Variants in SRPK2 observed in about 807,000 individuals in gnomAD.
The protein encoded by SRPK2 is SRSF protein kinase 2.
In SRPK2, 21 loss-of-function variants were observed where a neutral mutation model predicts 90.8. The ratio of observed to expected loss-of-function variants is 0.23; its 90% CI spans 0.16 to 0.33. The LOEUF (loss-of-function observed/expected upper bound fraction) is 0.33, where lower values mean the gene tolerates loss of function less well. Among genes scored for constraint, SRPK2 ranks in the 10% least tolerant of loss-of-function variants. The pLI is 1.00. For missense variants in SRPK2, 620 were observed against 869.0 expected, an observed-to-expected ratio of 0.71 and a Z score of 3.60; for synonymous variants, 288 against 311.1, an observed-to-expected ratio of 0.93 and a Z score of 0.78.
At chr7:105,355,413 G>C (rs544569455) in intron 2 of SRPK2, among the ~76,000 whole-genome samples, 2 of 152,180 alleles carry the variant, frequency 1.3e-5, no homozygotes, top group East Asian at 1.9e-4. Flanking sequence ...GGCAAACAGA[G>C]GCAGAAGGAT....
intron 3 of SRPK2, among the ~76,000 whole-genome samples, chr7:105,169,468 T>C (rs1347990598): frequency 1.3e-5 from 2 of 152,226 alleles, no homozygotes; most frequent in East Asian, 1.9e-4. Context: ...GGCTTACACC[T>C]GTAATCTCAG....
chr7:105,198,672 G>C (rs192781109), intron 3 of SRPK2, among the ~76,000 whole-genome samples: 2 of 152,178 alleles, frequency 1.3e-5, no homozygotes, highest in East Asian at 3.9e-4. Context: ...AAGAATGATA[G>C]AACAGACAGA....
At chr7:105,265,631 T>G (rs536549297) in intron 2 of SRPK2, among the ~76,000 whole-genome samples, 1 of 152,166 alleles carries the variant, frequency 6.6e-6, no homozygotes, top group Non-Finnish European at 1.5e-5. Context: ...CTAGTTTTTT[T>G]AATCAGATAT....
At chr7:105,189,511 C>A (rs1284827164) in intron 3 of SRPK2, 1 of 153,586 alleles carries the variant, frequency 6.5e-6, no homozygotes, top group Non-Finnish European at 1.4e-5. Context: ...GTGGCTCACA[C>A]CTGTAATCCC....
chr7:105,214,149 A>G (rs966806114), intron 2 of SRPK2, among the ~76,000 whole-genome samples: 1 of 152,230 alleles, frequency 6.6e-6, no homozygotes, highest in South Asian at 2.1e-4. Flanking sequence ...GCAGATATAG[A>G]ACATTTCTAT....
rs1318567994 is a variant in SRPK2, at chr7:105,117,078, A to G, written c.*760T>C. 5.3e-5 allele frequency: 8 copies of G among 152,248 alleles called. No individual in the cohort carries two copies. Among genetic ancestry groups the G allele is most frequent in the African/African-American group, 1.7e-4 (7 of 41,472 alleles). 9.4% of individuals were successfully genotyped at this position (152,248 alleles called of 1,614,324 possible). A position where few individuals can be genotyped will look rare whatever the true frequency, so the allele number is the denominator to read the frequency against. Reference sequence around the variant, plus strand: ...TACTTTTAAAAATATGCAAAATCACAAATGGGACTGCTAAATTATAATGCA... The same window carrying G: ...TACTTTTAAAAATATGCAAAATCACGAATGGGACTGCTAAATTATAATGCA... On this transcript the variant is annotated 3_prime_UTR_variant, in exon 16 of 16. Coordinates refer to ENST00000393651, the MANE Select transcript of SRPK2 (RefSeq NM_182692.3).
chr7:105,146,412 G>T, intron 8 of SRPK2, 81 bp downstream of exon 8: 1 of 1,453,006 alleles, frequency 6.9e-7, no homozygotes, highest in South Asian at 1.3e-5. Context: ...TGTAACGTTT[G>T]ATTCAGATAC....
intron 2 of SRPK2, chr7:105,298,862 C>A: frequency 2.2e-6 from 2 of 912,376 alleles, no homozygotes; most frequent in Non-Finnish European, 2.6e-6. Context: ...AGCAGTCTTT[C>A]CAGGGAGACA....
chr7:105,272,560 T>C (rs528109669), intron 2 of SRPK2, among the ~76,000 whole-genome samples: 5 of 152,160 alleles, frequency 3.3e-5, no homozygotes, highest in Non-Finnish European at 7.3e-5. Flanking sequence ...CTGGGTACTT[T>C]GCAAGACCGT....
At chr7:105,213,876 T>C (rs541661376) in intron 2 of SRPK2, among the ~76,000 whole-genome samples, 1 of 152,310 alleles carries the variant, frequency 6.6e-6, no homozygotes, top group East Asian at 1.9e-4. Flanking sequence ...ACAAGCCTTC[T>C]GCAAACTTCC....
At chr7:105,199,832 C>T (rs570504428) in intron 3 of SRPK2, among the ~76,000 whole-genome samples, 19 of 147,898 alleles carry the variant, frequency 1.3e-4, no homozygotes, top group South Asian at 8.5e-4. Flanking sequence ...CTGAAAGTGA[C>T]AAGCCAAAAG....
intron 7 of SRPK2, among the ~76,000 whole-genome samples, chr7:105,156,576 C>A (rs1013300366): frequency 6.6e-6 from 1 of 152,178 alleles, no homozygotes; most frequent in Non-Finnish European, 1.5e-5. Flanking sequence ...TCATGGCTCA[C>A]TGCAGCCTTG....
intron 10 of SRPK2, 139 bp downstream of exon 10, chr7:105,142,945 A>G: frequency 1.7e-6 from 2 of 1,143,520 alleles, no homozygotes; most frequent in South Asian, 3.6e-5. Context: ...TATTTCCCAT[A>G]TTTCCCAATA....
intron 15 of SRPK2, 30 bp downstream of exon 15, chr7:105,126,218 G>A (rs368365223): frequency 1.6e-4 from 248 of 1,519,330 alleles, no homozygotes; most frequent in Middle Eastern, 5.1e-4. Context: ...TGTCTGCATC[G>A]TGGCGCTTTT....
Position 105,247,519 on chromosome 7 carries a change from C to CGCACACACACAA in SRPK2, c.72-43735_72-43734insTTGTGTGTGTGC, listed in dbSNP as rs1489268587. Among the ~76,000 whole-genome samples, 1,145 of 122,198 alleles carry CGCACACACACAA rather than the reference C, an allele frequency of 9.4e-3. 15 individuals are homozygous for CGCACACACACAA. The highest frequency in any genetic ancestry group is 0.035 in the African/African-American group (1,094 of 31,500). The allele number at this position is 122,198 out of a possible 152,430, so 80.2% of individuals were successfully genotyped here. The stretch of plus-strand genomic sequence containing the variant: ...GGAGTGCCATACATACCAAAAAACA[C>CGCACACACACAA]ACACACACATAAACACACACACACA... On this transcript the variant is annotated intron_variant, in intron 2 of 15. Coordinates refer to ENST00000393651, the MANE Select transcript of SRPK2 (RefSeq NM_182692.3).
At chr7:105,186,552 T>A (rs539501919) in intron 3 of SRPK2, among the ~76,000 whole-genome samples, 9 of 152,356 alleles carry the variant, frequency 5.9e-5, no homozygotes, top group Admixed American at 5.9e-4. Flanking sequence ...CTTTATTGAT[T>A]TCTTGTTGCT....
chr7:105,349,764 G>A (rs1023985048), intron 2 of SRPK2, among the ~76,000 whole-genome samples: 5 of 151,704 alleles, frequency 3.3e-5, no homozygotes, highest in African/African-American at 4.8e-5. Context: ...TTTTGAGCTG[G>A]AGTCTCGCTC....
intron 3 of SRPK2, among the ~76,000 whole-genome samples, chr7:105,187,445 G>C (rs1793729886): frequency 6.6e-6 from 1 of 152,128 alleles, no homozygotes; most frequent in Non-Finnish European, 1.5e-5. Context: ...GCTATGCTTT[G>C]CTAATATATC....
upstream of SRPK2, among the ~76,000 whole-genome samples, chr7:105,392,422 C>T (rs1822203550): frequency 6.6e-6 from 1 of 152,202 alleles, no homozygotes; most frequent in Non-Finnish European, 1.5e-5. Flanking sequence ...GTGTGAATAT[C>T]TCTTCCCTGA....
Sources: allele counts gnomAD v4.1 joint callset (sites outside exome capture counted in the v4.1 genomes callset), GRCh38; gene constraint gnomAD v4.1.1; transcripts MANE v1.5; gene names NCBI Gene and HGNC (gene_info 2026-07-23, HGNC 2026-07-21).